Variants in HMGN5 observed in about 807,000 individuals in gnomAD.
HMGN5 encodes high mobility group nucleosome binding domain 5.
A neutral mutation model predicts 9.5 loss-of-function variants in HMGN5; 4 were observed. The ratio of observed to expected loss-of-function variants is 0.42; its 90% CI spans 0.21 to 0.96. The LOEUF (loss-of-function observed/expected upper bound fraction) is 0.96. HMGN5 is among the 40% of genes least tolerant of loss of function. The pLI is 0.30. For missense variants in HMGN5, 192 were observed against 187.5 expected, an observed-to-expected ratio of 1.02 and a Z score of -0.14; for synonymous variants, 55 against 57.1, an observed-to-expected ratio of 0.96 and a Z score of 0.16.
At chrX:81,160,998 T>C (rs977125559) in intron 1 of HMGN5, among the ~76,000 whole-genome samples, 1 of 109,181 alleles carries the variant, frequency 9.2e-6, no homozygotes, top group African/African-American at 3.5e-5. Flanking sequence ...AATTATAAAA[T>C]TTCCAGAGTA....
intron 1 of HMGN5, among the ~76,000 whole-genome samples, chrX:81,142,913 A>G (rs1048646057): frequency 8.9e-6 from 1 of 112,016 alleles, no homozygotes; most frequent in South Asian, 3.7e-4. Flanking sequence ...AATGACTATG[A>G]CAACTTTTCA....
chrX:81,164,729 T>C (rs1192139209), intron 1 of HMGN5, among the ~76,000 whole-genome samples: 1 of 111,449 alleles, frequency 9.0e-6, no homozygotes, highest in Non-Finnish European at 1.9e-5. Context: ...CTAAGATTTC[T>C]TTCTAATATT....
chrX:81,128,472 A>AAT (rs1290232379), intron 1 of HMGN5, among the ~76,000 whole-genome samples: 1 of 111,463 alleles, frequency 9.0e-6, no homozygotes, highest in Non-Finnish European at 1.9e-5. Context: ...TACTTGTTGG[A>AAT]ATATATATAT....
intron 1 of HMGN5, among the ~76,000 whole-genome samples, chrX:81,165,511 A>T (rs761127793): frequency 1.8e-5 from 2 of 111,286 alleles, no homozygotes; most frequent in Non-Finnish European, 3.8e-5. Flanking sequence ...AGCTCACCAG[A>T]AGTTAGAGAC....
intron 1 of HMGN5, among the ~76,000 whole-genome samples, chrX:81,139,617 C>T (rs753427695): frequency 1.8e-5 from 2 of 111,804 alleles, no homozygotes; most frequent in Non-Finnish European, 3.8e-5. Context: ...AGTCTCGAAT[C>T]GCTAATACTA....
intron 1 of HMGN5, among the ~76,000 whole-genome samples, chrX:81,163,434 C>A (rs1339874486): frequency 8.9e-6 from 1 of 111,854 alleles, no homozygotes; most frequent in Non-Finnish European, 1.9e-5. Flanking sequence ...TACCTGATAG[C>A]CAGTACCCTT....
intron 1 of HMGN5, among the ~76,000 whole-genome samples, chrX:81,145,778 A>C (rs1030416951): frequency 9.0e-6 from 1 of 111,662 alleles, no homozygotes; most frequent in Non-Finnish European, 1.9e-5. Context: ...AAAGACAAAC[A>C]TAGGCTCAAA....
At chrX:81,151,124 C>T (rs1375365793) in intron 1 of HMGN5, among the ~76,000 whole-genome samples, 2 of 111,859 alleles carry the variant, frequency 1.8e-5, no homozygotes, top group Admixed American at 1.9e-4. Flanking sequence ...GCTATTATTA[C>T]CCTGATTCCC....
chrX:81,136,003 T>C (rs1442669190), intron 1 of HMGN5, among the ~76,000 whole-genome samples: 1 of 111,271 alleles, frequency 9.0e-6, no homozygotes, highest in Non-Finnish European at 1.9e-5. Context: ...ACATAACCAA[T>C]TCCCCTTCCA....
chrX:81,201,464 A>G (rs760827239), intron 1 of HMGN5, among the ~76,000 whole-genome samples: 1 of 111,821 alleles, frequency 8.9e-6, no homozygotes, highest in African/African-American at 3.2e-5. Flanking sequence ...TTTTCTTTGT[A>G]ATTTATTCCT....
chrX:81,171,219 AT>A (rs1349496486), intron 1 of HMGN5, among the ~76,000 whole-genome samples: 1 of 111,969 alleles, frequency 8.9e-6, no homozygotes, highest in Admixed American at 9.5e-5. Context: ...AGAGCTTGGG[AT>A]TTTATAAATG....
intron 1 of HMGN5, among the ~76,000 whole-genome samples, chrX:81,142,283 G>A (rs1370048138): frequency 9.0e-6 from 1 of 111,348 alleles, no homozygotes; most frequent in Admixed American, 9.6e-5. Flanking sequence ...AAGAGATAGG[G>A]GGTAGAAAAT....
At chrX:81,145,445 G>A (rs781566249) in intron 1 of HMGN5, among the ~76,000 whole-genome samples, 32 of 111,892 alleles carry the variant, frequency 2.9e-4, no homozygotes, top group African/African-American at 8.1e-4. Context: ...TTTCAGACAA[G>A]CAAATGCTGA....
intron 1 of HMGN5, among the ~76,000 whole-genome samples, chrX:81,189,561 G>T (rs901630382): frequency 8.9e-6 from 1 of 111,885 alleles, no homozygotes; most frequent in African/African-American, 3.2e-5. Context: ...TGGCTTAATA[G>T]CTCACTTCTT....
At chrX:81,170,129 A>T (rs1160108510) in intron 1 of HMGN5, among the ~76,000 whole-genome samples, 1 of 108,775 alleles carries the variant, frequency 9.2e-6, no homozygotes, top group Non-Finnish European at 1.9e-5. Flanking sequence ...GTAGTGAGAG[A>T]TATCTTAAGA....
chrX:81,184,991 G>C (rs1187455265), intron 1 of HMGN5, among the ~76,000 whole-genome samples: 1 of 111,812 alleles, frequency 8.9e-6, no homozygotes, highest in Non-Finnish European at 1.9e-5. Flanking sequence ...CTGTGTGTCT[G>C]TTTTTATGGT....
intron 1 of HMGN5, among the ~76,000 whole-genome samples, chrX:81,142,966 A>T (rs1372628301): frequency 8.9e-6 from 1 of 112,036 alleles, no homozygotes; most frequent in Non-Finnish European, 1.9e-5. Flanking sequence ...GGCAACAATA[A>T]GCTAAAAAGC....
In HMGN5 at chrX:81,200,302, C is replaced by T. The variant is rs1301601079; in HGVS notation, c.-124+1435G>A. 2.7e-5 allele frequency among the ~76,000 whole-genome samples: 3 copies of T among 111,937 alleles called. No homozygotes were observed. In the South Asian group the frequency reaches 1.1e-3, roughly 42 times the overall value. Reference sequence around the variant, plus strand: ...TCAACCATTGTGGAAGACAGTGTGGCGATCCCCCAAGGATCTAGACTAGAA... The same window carrying T: ...TCAACCATTGTGGAAGACAGTGTGGTGATCCCCCAAGGATCTAGACTAGAA... On this transcript the variant is annotated intron_variant, in intron 1 of 6. Coordinates refer to ENST00000358130, the MANE Select transcript of HMGN5 (RefSeq NM_030763.3).
intron 1 of HMGN5, among the ~76,000 whole-genome samples, chrX:81,191,668 G>A: frequency 8.9e-6 from 1 of 111,976 alleles, no homozygotes; most frequent in South Asian, 3.7e-4. Flanking sequence ...TTTAAAATAG[G>A]CATTGGGACT....
Sources: allele counts gnomAD v4.1 joint callset (sites outside exome capture counted in the v4.1 genomes callset), GRCh38; gene constraint gnomAD v4.1.1; transcripts MANE v1.5; gene names NCBI Gene and HGNC (gene_info 2026-07-23, HGNC 2026-07-21).